The following MPHOSPH6 variants were observed in gnomAD, a reference collection of about 807,000 sequenced individuals.
MPHOSPH6 encodes M-phase phosphoprotein 6.
MPHOSPH6 carries 25 observed loss-of-function variants against 21.8 expected under a neutral mutation model. The observed-to-expected ratio is 1.15, with a 90% CI of 0.83 to 1.60. The LOEUF is 1.60. MPHOSPH6 is among the 40% of genes most tolerant of loss of function. The pLI, the probability that MPHOSPH6 is intolerant of heterozygous loss-of-function variation, is 0.00. For synonymous variants in MPHOSPH6, 84 were observed against 56.5 expected (o/e 1.49, Z -2.18); for missense variants, 269 against 181.8 (o/e 1.48, Z -2.76).
chr16:82,170,059 C>T (rs1311905458), intron 1 of MPHOSPH6, 66 bp downstream of exon 1: 3 of 1,528,158 alleles, frequency 2.0e-6, no homozygotes, highest in East Asian at 2.7e-5. Context: ...GCCGCCTCGG[C>T]CCCGGCCAGG....
At chr16:82,157,553 G>C (rs1257011362) in intron 2 of MPHOSPH6, among the ~76,000 whole-genome samples, 4 of 152,202 alleles carry the variant, frequency 2.6e-5, no homozygotes, top group Non-Finnish European at 4.4e-5. Flanking sequence ...TAGGAGTATG[G>C]TTTACAAAGA....
intron 2 of MPHOSPH6, among the ~76,000 whole-genome samples, chr16:82,159,853 T>C (rs1016383609): frequency 4.6e-5 from 7 of 152,198 alleles, no homozygotes; most frequent in African/African-American, 1.7e-4. Context: ...TGAGGGAATC[T>C]AAATTTGGGC....
At chr16:82,164,927 G>A (rs1386485642) in intron 1 of MPHOSPH6, 5 of 152,084 alleles carry the variant, frequency 3.3e-5, no homozygotes, top group African/African-American at 1.2e-4. Flanking sequence ...TCACTAGCAT[G>A]AATACCTGTA....
At chr16:82,155,447 A>G (rs1906398624) in intron 2 of MPHOSPH6, among the ~76,000 whole-genome samples, 1 of 152,226 alleles carries the variant, frequency 6.6e-6, no homozygotes, top group African/African-American at 2.4e-5. Flanking sequence ...CAGTGAGTCA[A>G]TTTAGCATTA....
chr16:82,166,000 T>A (rs1336208229), intron 1 of MPHOSPH6, among the ~76,000 whole-genome samples: 1 of 152,208 alleles, frequency 6.6e-6, no homozygotes, highest in Non-Finnish European at 1.5e-5. Context: ...AGCATGGCAG[T>A]TTCTTAGCAA....
Position 82,148,790 on chromosome 16 carries a change from C to T in MPHOSPH6, c.424G>A (p.Glu142Lys), listed in dbSNP as rs770456263. Reference protein sequence around the residue: ...KRDHANYEEDENGDITPIKAK... With the variant: ...KRDHANYEEDKNGDITPIKAK... ...TTAATTGGTGTTATGTCTCCATTTT[C>T]ATCTTCTTCATAATTGGCATGGTCT... Residue 142 changes from glutamate to lysine, a missense_variant, in exon 5 of 5, where the codon GAA (glutamate) becomes AAA (lysine). Transcript: ENST00000258169. 9.9e-6 allele frequency: 16 copies of T among 1,614,144 alleles called. No homozygotes were observed. The highest frequency in any genetic ancestry group is 1.1e-5 in the Non-Finnish European group (13 of 1,180,008).
intron 2 of MPHOSPH6, among the ~76,000 whole-genome samples, chr16:82,159,209 T>G (rs1906529026): frequency 6.6e-6 from 1 of 152,218 alleles, no homozygotes; most frequent in Non-Finnish European, 1.5e-5. Flanking sequence ...CTGTCTTCTA[T>G]TATGCCACAA....
intron 2 of MPHOSPH6, among the ~76,000 whole-genome samples, chr16:82,158,637 C>G (rs1906509879): frequency 6.6e-6 from 1 of 150,564 alleles, no homozygotes; most frequent in South Asian, 2.1e-4. Flanking sequence ...GGTTTGGGTT[C>G]TTTGGCAGAC....
chr16:82,148,958 G>T, intron 4 of MPHOSPH6, 95 bp from the exon 5 acceptor site: 2 of 1,444,816 alleles, frequency 1.4e-6, no homozygotes, highest in Non-Finnish European at 1.9e-6. Flanking sequence ...CAATAAAAAA[G>T]ATTACGAAAA....
At chr16:82,157,017 C>T (rs1409333468) in intron 2 of MPHOSPH6, among the ~76,000 whole-genome samples, 1 of 152,000 alleles carries the variant, frequency 6.6e-6, no homozygotes, top group Non-Finnish European at 1.5e-5. Flanking sequence ...CGCCAGTGCA[C>T]TGTAGCTTGG....
Position 82,148,818 on chromosome 16 carries a change from CT to C in MPHOSPH6, c.395del (p.Lys132ArgfsTer15). 6.2e-7 allele frequency: 1 copy of C among 1,614,134 alleles called. No individual in the cohort carries two copies. The highest frequency in any genetic ancestry group is 8.5e-7 in the Non-Finnish European group (1 of 1,179,996). ...VGTIGKKFAR[K>X]RDHANYEEDE... ...CTTCTTCATAATTGGCATGGTCTCT[CT>C]TTCTGGCAAACTTTTTCCCAATTGT... On this transcript the variant is annotated frameshift_variant, in exon 5 of 5. Coordinates refer to ENST00000258169, the MANE Select transcript of MPHOSPH6 (RefSeq NM_005792.2). LOFTEE classifies it high-confidence loss of function.
At chr16:82,163,022 C>G (rs1567615215) in intron 2 of MPHOSPH6, among the ~76,000 whole-genome samples, 1 of 152,196 alleles carries the variant, frequency 6.6e-6, no homozygotes, top group Non-Finnish European at 1.5e-5. Context: ...CTTCTCCCTC[C>G]TCACCAACAT....
At chr16:82,154,631 T>G (rs1906372344) in intron 2 of MPHOSPH6, among the ~76,000 whole-genome samples, 2 of 150,626 alleles carry the variant, frequency 1.3e-5, no homozygotes, top group South Asian at 4.2e-4. Flanking sequence ...AAAACACCAA[T>G]AGAACTTATA....
chr16:82,163,574 A>G (rs1906670782), intron 2 of MPHOSPH6, among the ~76,000 whole-genome samples: 1 of 152,248 alleles, frequency 6.6e-6, no homozygotes, highest in Non-Finnish European at 1.5e-5. Context: ...TTCAATAACT[A>G]CAGATGTAAA....
intron 2 of MPHOSPH6, among the ~76,000 whole-genome samples, chr16:82,153,943 T>A (rs1906348766): frequency 6.6e-6 from 1 of 152,200 alleles, no homozygotes; most frequent in East Asian, 1.9e-4. Flanking sequence ...CTCCTCCTTA[T>A]AAGGAAAAGT....
At position 82,149,237 on chromosome 16, in the gene MPHOSPH6, T is replaced by C. The variant is rs1597158232; in HGVS notation, c.350+72A>G. The stretch of plus-strand genomic sequence containing the variant: ...TTGAAAGCTGCCGTGCACTGTGGGG[T>C]AAGAGGAGCATTCCTGGGAGAGCCA... On this transcript the variant is annotated intron_variant, in intron 4 of 4. Coordinates refer to ENST00000258169, the MANE Select transcript of MPHOSPH6 (RefSeq NM_005792.2). 49 of 1,462,540 alleles carry C rather than the reference T, an allele frequency of 3.4e-5. 1 individual carries two copies. In the South Asian group the frequency reaches 5.5e-4, roughly 16 times the overall value. The allele number at this position is 1,462,540 out of a possible 1,614,324, so 90.6% of individuals were successfully genotyped here. A position where few individuals can be genotyped will look rare whatever the true frequency, so the allele number is the denominator to read the frequency against.
chr16:82,158,974 C>G (rs1906521622), intron 2 of MPHOSPH6, among the ~76,000 whole-genome samples: 1 of 152,072 alleles, frequency 6.6e-6, no homozygotes, highest in Non-Finnish European at 1.5e-5. Flanking sequence ...CAAGACAGAC[C>G]AAGACATGAA....
At chr16:82,150,065 A>G (rs534736404) in intron 3 of MPHOSPH6, among the ~76,000 whole-genome samples, 1 of 147,772 alleles carries the variant, frequency 6.8e-6, no homozygotes, top group Admixed American at 7.5e-5. Flanking sequence ...GAGAAGGAAT[A>G]AAAGATGAGA....
At chr16:82,165,963 G>C (rs1472441497) in intron 1 of MPHOSPH6, among the ~76,000 whole-genome samples, 1 of 152,240 alleles carries the variant, frequency 6.6e-6, no homozygotes, top group African/African-American at 2.4e-5. Context: ...TGGTGGGAAA[G>C]TAAATGGTAC....
Sources: allele counts gnomAD v4.1 joint callset (sites outside exome capture counted in the v4.1 genomes callset), GRCh38; gene constraint gnomAD v4.1.1; transcripts MANE v1.5; gene names NCBI Gene and HGNC (gene_info 2026-07-23, HGNC 2026-07-21).